Variants in TBL1XR1 observed in about 807,000 individuals in gnomAD.
TBL1XR1 encodes the protein TBL1X/Y related 1, also known as F-box-like/WD repeat-containing protein TBL1XR1.
A neutral mutation model predicts 66.9 loss-of-function variants in TBL1XR1; 5 were observed. The observed-to-expected ratio is 0.07, with a 90% CI of 0.04 to 0.16. TBL1XR1 has a LOEUF of 0.16. Ranked by LOEUF, TBL1XR1 falls within the 10% of genes least tolerant of loss-of-function variation. TBL1XR1 has a pLI of 1.00. For synonymous variants in TBL1XR1, 210 were observed against 206.0 expected (o/e 1.02, Z -0.17); for missense variants, 238 against 623.2 (o/e 0.38, Z 6.58).
intron 2 of TBL1XR1, among the ~76,000 whole-genome samples, chr3:177,089,960 T>C (rs1288209745): frequency 6.6e-6 from 1 of 152,242 alleles, no homozygotes; most frequent in Non-Finnish European, 1.5e-5. Flanking sequence ...AGACATCATA[T>C]ATACTGTCTG....
intron 1 of TBL1XR1, chr3:177,194,025 C>G (rs1736505539): frequency 6.6e-6 from 1 of 152,266 alleles, no homozygotes; most frequent in Non-Finnish European, 1.5e-5. Flanking sequence ...TCCCTCTCCT[C>G]TGGCTCTATG....
At chr3:177,163,182 A>G (rs1211325974) in intron 1 of TBL1XR1, among the ~76,000 whole-genome samples, 2 of 152,158 alleles carry the variant, frequency 1.3e-5, no homozygotes, top group East Asian at 1.9e-4. Flanking sequence ...ATGGAGTACC[A>G]ATACAGTAAA....
At chr3:177,037,257 G>A (rs1223246868) in intron 12 of TBL1XR1, 1 of 149,752 alleles carries the variant, frequency 6.7e-6, no homozygotes, top group Non-Finnish European at 1.5e-5. Context: ...CTTTACATAT[G>A]CAAATAAACT....
At chr3:177,114,677 G>GAA (rs898352775) in intron 1 of TBL1XR1, among the ~76,000 whole-genome samples, 1 of 143,446 alleles carries the variant, frequency 7.0e-6, no homozygotes, top group Non-Finnish European at 1.5e-5. Context: ...AAATTAAAAA[G>GAA]AAAAAAAAAA....
chr3:177,125,083 A>T (rs1429233065), intron 1 of TBL1XR1, among the ~76,000 whole-genome samples: 1 of 152,124 alleles, frequency 6.6e-6, no homozygotes, highest in Non-Finnish European at 1.5e-5. Flanking sequence ...GAGATCATAG[A>T]AATGTAAAAC....
intron 3 of TBL1XR1, among the ~76,000 whole-genome samples, chr3:177,061,504 T>C (rs1041350412): frequency 1.3e-5 from 2 of 152,220 alleles, no homozygotes. Flanking sequence ...TGGACAGTCT[T>C]TGATAATGAG....
intron 2 of TBL1XR1, among the ~76,000 whole-genome samples, chr3:177,078,421 A>AC (rs1304873017): frequency 6.6e-6 from 1 of 151,632 alleles, no homozygotes; most frequent in East Asian, 1.9e-4. Context: ...AAAAAAAAAA[A>AC]AATTTTGGTT....
chr3:177,026,578 G>A (rs2108378822), intron 14 of TBL1XR1, 104 bp from the exon 15 acceptor site: 2 of 783,256 alleles, frequency 2.6e-6, no homozygotes, highest in Non-Finnish European at 3.8e-6. Flanking sequence ...GCAATCAGAG[G>A]AGGGACTTAG....
At chr3:177,197,958 C>T (rs1489945533), upstream of TBL1XR1, among the ~76,000 whole-genome samples, 5 of 150,876 alleles carry the variant, frequency 3.3e-5, no homozygotes, top group Non-Finnish European at 7.4e-5. Flanking sequence ...GTGGAGCCGC[C>T]GGCGAAGTTT....
At chr3:177,076,389 TTC>T (rs759345385) in intron 2 of TBL1XR1, among the ~76,000 whole-genome samples, 37 of 152,304 alleles carry the variant, frequency 2.4e-4, no homozygotes, top group Non-Finnish European at 4.6e-4. Context: ...TGCCCAAATT[TTC>T]TCTTTTTTAT....
intron 2 of TBL1XR1, among the ~76,000 whole-genome samples, chr3:177,086,275 A>G (rs998858629): frequency 3.3e-5 from 5 of 152,042 alleles, no homozygotes; most frequent in Non-Finnish European, 7.4e-5. Flanking sequence ...TTTTACTTTA[A>G]AAAATTAAGT....
intron 1 of TBL1XR1, among the ~76,000 whole-genome samples, chr3:177,143,317 G>A (rs1729846572): frequency 1.3e-5 from 2 of 151,706 alleles, no homozygotes; most frequent in African/African-American, 4.8e-5. Context: ...TGCTAAGTCA[G>A]TGTTCAAGGC....
intron 1 of TBL1XR1, among the ~76,000 whole-genome samples, chr3:177,182,579 A>G (rs776664785): frequency 1.4e-4 from 21 of 152,306 alleles, no homozygotes; most frequent in Non-Finnish European, 2.9e-4. Context: ...AAGGCTAAAG[A>G]GTGCCAGGCA....
intron 1 of TBL1XR1, among the ~76,000 whole-genome samples, chr3:177,144,951 T>A (rs1160597845): frequency 2.0e-5 from 3 of 152,178 alleles, no homozygotes; most frequent in Non-Finnish European, 4.4e-5. Context: ...AACTTGTGGA[T>A]CACAAAAAAA....
At chr3:177,132,910 C>G (rs1728474025) in intron 1 of TBL1XR1, among the ~76,000 whole-genome samples, 1 of 152,190 alleles carries the variant, frequency 6.6e-6, no homozygotes, top group Non-Finnish European at 1.5e-5. Context: ...TCACACCGCC[C>G]TTCACCCTCA....
chr3:177,179,074 G>A (rs113331056), intron 1 of TBL1XR1, among the ~76,000 whole-genome samples: 35 of 141,198 alleles, frequency 2.5e-4, no homozygotes, highest in African/African-American at 8.5e-4. Context: ...CCAAGATCAC[G>A]CCATTGCACT....
intron 1 of TBL1XR1, among the ~76,000 whole-genome samples, chr3:177,168,148 T>G (rs575579668): frequency 6.6e-6 from 1 of 152,236 alleles, no homozygotes. Flanking sequence ...ACTAGGATTC[T>G]GTCACAGGTA....
upstream of TBL1XR1, among the ~76,000 whole-genome samples, chr3:177,197,858 C>T (rs1737118262): frequency 4.1e-5 from 6 of 148,046 alleles, no homozygotes; most frequent in South Asian, 1.3e-3. Flanking sequence ...CCGCCCCGCC[C>T]CCACCGCCGC....
chr3:177,059,049 A>C (rs916555482), intron 3 of TBL1XR1, among the ~76,000 whole-genome samples: 2 of 152,258 alleles, frequency 1.3e-5, no homozygotes, highest in African/African-American at 4.8e-5. Context: ...ATTATAAAAC[A>C]AAACTATATA....
Sources: allele counts gnomAD v4.1 joint callset (sites outside exome capture counted in the v4.1 genomes callset), GRCh38; gene constraint gnomAD v4.1.1; transcripts MANE v1.5; gene names NCBI Gene and HGNC (gene_info 2026-07-23, HGNC 2026-07-21).